YTHDC2: variants seen among roughly 807,000 people sequenced by gnomAD.
YTHDC2 encodes YTH N6-methyladenosine RNA binding protein C2, also known as 3'-5' RNA helicase YTHDC2.
Under a neutral mutation model 174.9 loss-of-function variants are expected in YTHDC2, and 45 were observed. The ratio of observed to expected loss-of-function variants is 0.26; its 90% CI spans 0.20 to 0.33. The LOEUF is 0.33. YTHDC2 is among the 10% of genes least tolerant of loss of function. The pLI, the probability that YTHDC2 is intolerant of heterozygous loss-of-function variation, is 1.00. For missense variants in YTHDC2, 1,650 were observed against 1,723.7 expected (o/e 0.96, Z 0.76); for synonymous variants, 657 against 574.5 (o/e 1.14, Z -2.05).
At chr5:113,547,051 A>T (rs532809824) in intron 10 of YTHDC2, among the ~76,000 whole-genome samples, 1 of 152,182 alleles carries the variant, frequency 6.6e-6, no homozygotes, top group Admixed American at 6.5e-5. Flanking sequence ...CTTTCACGTT[A>T]TTCTGTTCAT....
chr5:113,556,741 A>G (rs1208617315), intron 17 of YTHDC2, among the ~76,000 whole-genome samples: 1 of 152,154 alleles, frequency 6.6e-6, no homozygotes, highest in Non-Finnish European at 1.5e-5. Context: ...GCAATTTGAA[A>G]CTATTTATCC....
Position 113,594,526 on chromosome 5 carries a change from G to A in YTHDC2, c.*1052G>A, listed in dbSNP as rs1646493006. 6.6e-6 allele frequency: 1 copy of A among 151,910 alleles called. No individual in the cohort carries two copies. Among genetic ancestry groups the A allele is most frequent in the East Asian group, 1.9e-4 (1 of 5,172 alleles). The allele number at this position is 151,910 out of a possible 1,614,324, so 9.4% of individuals were successfully genotyped here. A position where few individuals can be genotyped will look rare whatever the true frequency, so the allele number is the denominator to read the frequency against. On this transcript the variant is annotated 3_prime_UTR_variant, in exon 30 of 30. Transcript: ENST00000161863. ...TTTTCGCATATATGGTTTAATAAAT[G>A]GGGGATAATTTTTTTTTTGTAAATC...
In YTHDC2 at chr5:113,541,260, C is replaced by T. The variant is rs138325333; in HGVS notation, c.1359+144C>T. The T allele has an allele frequency of 1.7e-4, 149 of 889,986 alleles. No individual in the cohort carries two copies. The African/African-American group carries it at 2.0e-3, about 12-fold the overall frequency. 55.1% of individuals were successfully genotyped at this position (889,986 alleles called of 1,614,324 possible). Reference sequence around the variant, plus strand: ...AGGCTGGAGTGGAGTGGCGTGATCTCGGCTCACTGCAAGCTCCGCGTTCCG... The same window carrying T: ...AGGCTGGAGTGGAGTGGCGTGATCTTGGCTCACTGCAAGCTCCGCGTTCCG... On this transcript the variant is annotated intron_variant, in intron 9 of 29. Transcript: ENST00000161863.
At chr5:113,579,736 A>G in intron 24 of YTHDC2, 41 bp downstream of exon 24, 1 of 1,546,506 alleles carries the variant, frequency 6.5e-7, no homozygotes, top group Non-Finnish European at 8.7e-7. Context: ...TCTTTCATTC[A>G]GTTAGTGTGA....
At chr5:113,551,100 G>A (rs1490833648) in intron 12 of YTHDC2, among the ~76,000 whole-genome samples, 1 of 152,004 alleles carries the variant, frequency 6.6e-6, no homozygotes, top group Admixed American at 6.6e-5. Flanking sequence ...TGGAAATGTA[G>A]TCTCAGACAT....
chr5:113,542,622 G>T, intron 10 of YTHDC2, 119 bp downstream of exon 10: 1 of 847,312 alleles, frequency 1.2e-6, no homozygotes, highest in Non-Finnish European at 1.7e-6. Flanking sequence ...TTTTTTAAAA[G>T]TATTTATTTT....
chr5:113,514,370 C>G (rs559993044), intron 1 of YTHDC2: 20 of 635,280 alleles, frequency 3.1e-5, no homozygotes, highest in South Asian at 2.9e-4. Context: ...GGTTAAGCCA[C>G]CGTGTTTCAG....
At chr5:113,538,392 C>T (rs755975728) in intron 7 of YTHDC2, among the ~76,000 whole-genome samples, 2 of 152,106 alleles carry the variant, frequency 1.3e-5, no homozygotes, top group Non-Finnish European at 2.9e-5. Flanking sequence ...CTTAGTAAGA[C>T]TTATCTTTTC....
At chr5:113,577,208 T>C (rs1480543196) in intron 23 of YTHDC2, among the ~76,000 whole-genome samples, 12 of 152,208 alleles carry the variant, frequency 7.9e-5, no homozygotes. Flanking sequence ...TTTTATTTAT[T>C]AATAAATTCT....
At chr5:113,528,698 G>A (rs1005909471) in intron 4 of YTHDC2, among the ~76,000 whole-genome samples, 1 of 152,074 alleles carries the variant, frequency 6.6e-6, no homozygotes, top group East Asian at 1.9e-4. Flanking sequence ...TTGTAGAGAC[G>A]AGGTTTCAAC....
chr5:113,561,473 A>ATATT (rs56886888), intron 18 of YTHDC2, among the ~76,000 whole-genome samples: 1,712 of 138,480 alleles, frequency 0.012, 10 homozygotes, highest in South Asian at 0.023. Context: ...ATCTATCTAT[A>ATATT]TTTTTTTTTT....
In YTHDC2 at chr5:113,524,870, A is replaced by G. The variant is rs1032432461; in HGVS notation, c.279-111A>G. ...GACTTTCAGCATCTTCTCCCAAAGC[A>G]TTTTGATTTTTTTCAGTGTTTTGCT... On this transcript the variant is annotated intron_variant, in intron 2 of 29. Coordinates refer to ENST00000161863, the MANE Select transcript of YTHDC2 (RefSeq NM_022828.5). 8 of 818,476 alleles carry G rather than the reference A, an allele frequency of 9.8e-6. No individual in the cohort carries two copies. The African/African-American group carries it at 1.5e-4, about 15-fold the overall frequency. 50.7% of individuals were successfully genotyped at this position (818,476 alleles called of 1,614,324 possible).
intron 2 of YTHDC2, among the ~76,000 whole-genome samples, chr5:113,518,540 T>A (rs1244220290): frequency 6.7e-6 from 1 of 149,730 alleles, no homozygotes; most frequent in Non-Finnish European, 1.5e-5. Context: ...CTTTATTGAT[T>A]CAGTAAGTTA....
intron 4 of YTHDC2, among the ~76,000 whole-genome samples, chr5:113,530,373 G>A (rs79020396): frequency 0.033 from 4,969 of 151,946 alleles, 263 homozygotes; most frequent in African/African-American, 0.11. Flanking sequence ...CCTGCACTAG[G>A]ATTCTGCTTT....
chr5:113,565,678 T>C (rs1777286790), intron 20 of YTHDC2: 1 of 409,872 alleles, frequency 2.4e-6, no homozygotes, highest in Non-Finnish European at 4.1e-6. Flanking sequence ...GACACTTAGT[T>C]CTCTTTGCGA....
intron 26 of YTHDC2, among the ~76,000 whole-genome samples, chr5:113,586,681 T>G (rs1778697004): frequency 6.6e-6 from 1 of 151,180 alleles, no homozygotes. Flanking sequence ...TAATTTTCGT[T>G]TATAGTATGG....
At chr5:113,582,230 A>C (rs982756279) in intron 25 of YTHDC2, 1 of 152,224 alleles carries the variant, frequency 6.6e-6, no homozygotes, top group Admixed American at 6.5e-5. Context: ...AAAACAGGTA[A>C]GATCTCCTCC....
At chr5:113,590,722 A>G (rs190881983) in intron 26 of YTHDC2, among the ~76,000 whole-genome samples, 6 of 152,170 alleles carry the variant, frequency 3.9e-5, no homozygotes, top group African/African-American at 1.4e-4. Flanking sequence ...TAAGCTGGAG[A>G]AGTATTTGTT....
At chr5:113,526,468 G>A in intron 3 of YTHDC2, 118 bp from the exon 4 acceptor site, 2 of 726,622 alleles carry the variant, frequency 2.8e-6, no homozygotes, top group South Asian at 5.2e-5. Flanking sequence ...AAGGAATTAT[G>A]TTAGAAATTA....
Sources: gnomAD v4.1 joint callset for allele counts (sites outside exome capture counted in the v4.1 genomes callset) on GRCh38, gnomAD v4.1.1 for gene constraint, MANE v1.5 for transcripts, NCBI Gene and HGNC (gene_info 2026-07-23, HGNC 2026-07-21) for gene names.